Variants in ESRRG observed in about 807,000 individuals in gnomAD.
ESRRG encodes the protein estrogen-related receptor gamma.
A neutral mutation model predicts 44.0 loss-of-function variants in ESRRG; 13 were observed. The ratio of observed to expected loss-of-function variants is 0.30; its 90% CI spans 0.19 to 0.47. The LOEUF is 0.47. ESRRG is among the 20% of genes least tolerant of loss of function. The probability of loss-of-function intolerance (pLI) is 1.00; values close to 1 mark genes in which losing one functional copy is unlikely to be tolerated. For missense variants in ESRRG, 395 were observed against 580.6 expected, an observed-to-expected ratio of 0.68 and a Z score of 3.29; for synonymous variants, 215 against 214.6, an observed-to-expected ratio of 1.00 and a Z score of -0.02.
chr1:217,132,918 C>T (rs966445402), intron 1 of ESRRG, among the ~76,000 whole-genome samples: 5 of 152,168 alleles, frequency 3.3e-5, no homozygotes, highest in Non-Finnish European at 2.9e-5. Context: ...TGGGCCTCTC[C>T]GTTCTCTGTC....
intron 1 of ESRRG, among the ~76,000 whole-genome samples, chr1:216,953,468 A>G (rs2067333065): frequency 6.6e-6 from 1 of 152,014 alleles, no homozygotes; most frequent in Non-Finnish European, 1.5e-5. Context: ...CATTTTCCTA[A>G]GCATACTATG....
chr1:216,997,710 C>T (rs768381924), intron 1 of ESRRG, among the ~76,000 whole-genome samples: 6 of 152,258 alleles, frequency 3.9e-5, no homozygotes, highest in African/African-American at 9.6e-5. Context: ...CTATTCTATA[C>T]GGAAAAGCGT....
At chr1:216,996,724 C>A (rs1455011711) in intron 1 of ESRRG, among the ~76,000 whole-genome samples, 1 of 152,010 alleles carries the variant, frequency 6.6e-6, no homozygotes, top group African/African-American at 2.4e-5. Context: ...ACTATTATAG[C>A]AATATGAAGA....
intron 2 of ESRRG, among the ~76,000 whole-genome samples, chr1:216,917,177 C>A (rs1471766408): frequency 2.3e-4 from 32 of 141,818 alleles, no homozygotes; most frequent in Middle Eastern, 3.6e-3. Flanking sequence ...TTTTTTTTTA[C>A]CAGGTGACAG....
At chr1:216,714,613 CT>C (rs1298961523) in intron 1 of ESRRG, 1 of 950,696 alleles carries the variant, frequency 1.1e-6, no homozygotes, top group African/African-American at 1.8e-5. Flanking sequence ...CATAAATGCT[CT>C]AGACATTAAA....
chr1:216,532,928 A>G (rs1572432269), intron 5 of ESRRG, among the ~76,000 whole-genome samples: 1 of 152,180 alleles, frequency 6.6e-6, no homozygotes, highest in African/African-American at 2.4e-5. Flanking sequence ...ATTTAAATTG[A>G]CAATACCATT....
At chr1:216,751,827 G>GAT (rs59638474) in intron 2 of ESRRG, among the ~76,000 whole-genome samples, 135,485 of 151,868 alleles carry the variant, frequency 0.89, 62,409 homozygotes, top group Non-Finnish European at 1. Context: ...ATATTCAGCT[G>GAT]ATATATATAT....
chr1:216,961,205 T>C (rs1438014145), intron 1 of ESRRG, among the ~76,000 whole-genome samples: 2 of 152,192 alleles, frequency 1.3e-5, no homozygotes, highest in Non-Finnish European at 2.9e-5. Flanking sequence ...CTGAGATAAC[T>C]GATTAAACGT....
At chr1:217,123,197 C>T (rs2092844557) in intron 1 of ESRRG, among the ~76,000 whole-genome samples, 1 of 152,010 alleles carries the variant, frequency 6.6e-6, no homozygotes, top group Admixed American at 6.6e-5. Flanking sequence ...TGCTCTGTTT[C>T]TCGTGGAAAT....
chr1:217,024,324 C>G (rs568859021), intron 1 of ESRRG, among the ~76,000 whole-genome samples: 6 of 151,276 alleles, frequency 4.0e-5, no homozygotes, highest in Non-Finnish European at 8.8e-5. Flanking sequence ...CACCACTGCA[C>G]TCCAGCCTGA....
rs561007071 is a variant in ESRRG at position 216,808,884 on chromosome 1, T to C, written c.-14+130698A>G. Among the ~76,000 whole-genome samples the C allele has an allele frequency of 1.1e-3, 164 of 152,320 alleles. 1 individual carries two copies. Among genetic ancestry groups the C allele is most frequent in the Non-Finnish European group, 1.9e-3 (131 of 68,040 alleles). Reference sequence around the variant, plus strand: ...GCAGAACATCAAGTTTCATATGATATAATTCTGTCAAAGAATTTTCCTCCT... The same window carrying C: ...GCAGAACATCAAGTTTCATATGATACAATTCTGTCAAAGAATTTTCCTCCT... On this transcript the variant is annotated intron_variant, in intron 2 of 7. Coordinates refer to the ESRRG transcript ENST00000359162.
chr1:217,034,622 C>T (rs1398100312), intron 1 of ESRRG, among the ~76,000 whole-genome samples: 1 of 152,172 alleles, frequency 6.6e-6, no homozygotes, highest in African/African-American at 2.4e-5. Flanking sequence ...TCCCATGAGA[C>T]AAAAGCCAAC....
intron 1 of ESRRG, among the ~76,000 whole-genome samples, chr1:216,702,945 G>C (rs958649649): frequency 2.0e-5 from 3 of 152,090 alleles, no homozygotes; most frequent in Non-Finnish European, 2.9e-5. Context: ...GAGTGCTCAG[G>C]AGGATTCTTG....
At chr1:216,673,008 G>A (rs1034718121) in intron 2 of ESRRG, among the ~76,000 whole-genome samples, 2 of 152,110 alleles carry the variant, frequency 1.3e-5, no homozygotes, top group Non-Finnish European at 2.9e-5. Context: ...TTTATGTAAC[G>A]GCCTGTCCAT....
intron 2 of ESRRG, among the ~76,000 whole-genome samples, chr1:216,881,778 C>T (rs975122736): frequency 6.6e-6 from 1 of 152,112 alleles, no homozygotes; most frequent in African/African-American, 2.4e-5. Context: ...GTTATGGACA[C>T]ATTCAAGCAA....
At chr1:216,621,025 C>A (rs963486965) in intron 3 of ESRRG, among the ~76,000 whole-genome samples, 1 of 152,126 alleles carries the variant, frequency 6.6e-6, no homozygotes, top group Non-Finnish European at 1.5e-5. Flanking sequence ...TGAAGATTCC[C>A]ATCCCATTTT....
At chr1:216,658,299 TA>T (rs1276469794) in intron 2 of ESRRG, among the ~76,000 whole-genome samples, 4 of 152,208 alleles carry the variant, frequency 2.6e-5, no homozygotes, top group Admixed American at 2.0e-4. Context: ...TTTCCAGTTT[TA>T]AAAAAACTAC....
intron 1 of ESRRG, among the ~76,000 whole-genome samples, chr1:216,693,183 C>T (rs1559259693): frequency 6.6e-6 from 1 of 152,184 alleles, no homozygotes; most frequent in Non-Finnish European, 1.5e-5. Flanking sequence ...CCTGGCACTC[C>T]TTCCTTTAGG....
In ESRRG at chr1:216,987,261, A is replaced by C. The variant is rs12097738; in HGVS notation, c.-105-47588T>G. 7.2e-3 allele frequency among the ~76,000 whole-genome samples: 1,090 copies of C among 152,326 alleles called. 9 individuals carry two copies. The highest frequency in any genetic ancestry group is 0.023 in the African/African-American group (966 of 41,570). On this transcript the variant is annotated intron_variant, in intron 1 of 7. Transcript: ENST00000359162. The stretch of plus-strand genomic sequence containing the variant: ...TAGTTTGATATCCTTTCTCTAACAT[A>C]GCTGTGCTTAAGGAAAAAGAGCATG...
Sources: allele counts gnomAD v4.1 joint callset (sites outside exome capture counted in the v4.1 genomes callset), GRCh38; gene constraint gnomAD v4.1.1; transcripts MANE v1.5; gene names NCBI Gene and HGNC (gene_info 2026-07-23, HGNC 2026-07-21).